The following NLGN1 variants were observed in gnomAD, a reference collection of about 807,000 sequenced individuals.
NLGN1 encodes the protein neuroligin-1.
NLGN1 carries 12 observed loss-of-function variants against 65.5 expected under a neutral mutation model. That is an observed-to-expected ratio of 0.18 (90% CI 0.12 to 0.30). The LOEUF is 0.30. Ranked by LOEUF, NLGN1 falls within the 10% of genes least tolerant of loss-of-function variation. The pLI is 1.00. For missense variants in NLGN1, 750 were observed against 1,007.1 expected, an observed-to-expected ratio of 0.74 and a Z score of 3.46; for synonymous variants, 350 against 359.5, an observed-to-expected ratio of 0.97 and a Z score of 0.30.
At chr3:174,201,110 C>G (rs555685887) in intron 4 of NLGN1, among the ~76,000 whole-genome samples, 26 of 151,948 alleles carry the variant, frequency 1.7e-4, no homozygotes, top group Non-Finnish European at 3.1e-4. Flanking sequence ...TGGTGGCACA[C>G]ACCTGTAGGC....
At chr3:173,661,940 C>T (rs1453273943) in intron 3 of NLGN1, among the ~76,000 whole-genome samples, 1 of 151,968 alleles carries the variant, frequency 6.6e-6, no homozygotes, top group Admixed American at 6.6e-5. Context: ...CAGACCACAG[C>T]AGGACTTTAT....
intron 4 of NLGN1, among the ~76,000 whole-genome samples, chr3:173,977,122 C>T (rs1291524420): frequency 3.3e-5 from 5 of 150,000 alleles, no homozygotes; most frequent in East Asian, 3.9e-4. Context: ...CACACACACA[C>T]GCACACACAC....
At chr3:173,528,515 A>G (rs2099515) in intron 2 of NLGN1, among the ~76,000 whole-genome samples, 4,398 of 152,230 alleles carry the variant, frequency 0.029, 202 homozygotes, top group African/African-American at 0.096. Context: ...TTCCTGCATT[A>G]TTCCTTCAAA....
At chr3:173,641,278 A>G (rs1472460157) in intron 3 of NLGN1, among the ~76,000 whole-genome samples, 1 of 152,112 alleles carries the variant, frequency 6.6e-6, no homozygotes, top group Non-Finnish European at 1.5e-5. Flanking sequence ...CACTTCAGCT[A>G]CTTTTGATCC....
At chr3:173,781,243 A>G (rs1164080135) in intron 3 of NLGN1, among the ~76,000 whole-genome samples, 1 of 152,056 alleles carries the variant, frequency 6.6e-6, no homozygotes, top group Non-Finnish European at 1.5e-5. Context: ...CTAGAGAAAA[A>G]GCATTTAAAA....
chr3:173,446,060 C>CT (rs554305581), intron 2 of NLGN1, among the ~76,000 whole-genome samples: 6,014 of 145,204 alleles, frequency 0.041, 163 homozygotes, highest in South Asian at 0.059. Flanking sequence ...TTCTTTTTTT[C>CT]TTTTTTTTTT....
chr3:173,997,557 G>A (rs973489591), intron 4 of NLGN1, among the ~76,000 whole-genome samples: 6 of 152,050 alleles, frequency 3.9e-5, no homozygotes, highest in Admixed American at 2.6e-4. Flanking sequence ...TTGATTCTAA[G>A]TCTTGTTGAT....
chr3:173,633,802 A>G (rs10936765), intron 3 of NLGN1, among the ~76,000 whole-genome samples: 2,252 of 152,278 alleles, frequency 0.015, 64 homozygotes, highest in African/African-American at 0.051. Context: ...TCTTCTAATT[A>G]TCGTTTAGCA....
rs185322717 is a variant in NLGN1, at chr3:173,804,982, C to T, written c.494-2698C>T. 2.7e-3 allele frequency among the ~76,000 whole-genome samples: 411 copies of T among 152,208 alleles called. 2 individuals are homozygous for T. Among genetic ancestry groups the T allele is most frequent in the African/African-American group, 8.8e-3 (367 of 41,546 alleles). ...TGGAGGTTGCAATGAGTTGAGATCA[C>T]GCCACTGCACTCCAGCCTGGGTGAC... On this transcript the variant is annotated intron_variant, in intron 3 of 6. Transcript: ENST00000457714.
intron 4 of NLGN1, among the ~76,000 whole-genome samples, chr3:173,984,725 A>C (rs902587521): frequency 2.6e-5 from 4 of 152,192 alleles, no homozygotes; most frequent in African/African-American, 9.6e-5. Flanking sequence ...TCTCAATGCT[A>C]TCTTGTGGTT....
At chr3:173,400,430 C>A (rs1243641935) in intron 1 of NLGN1, among the ~76,000 whole-genome samples, 1 of 152,116 alleles carries the variant, frequency 6.6e-6, no homozygotes, top group African/African-American at 2.4e-5. Context: ...CTTCTGAATT[C>A]ACTCTTTAGT....
At chr3:173,545,322 C>A (rs942770574) in intron 2 of NLGN1, among the ~76,000 whole-genome samples, 8 of 152,116 alleles carry the variant, frequency 5.3e-5, no homozygotes, top group African/African-American at 1.9e-4. Flanking sequence ...GATCCACCCA[C>A]CTAGACCTCC....
At chr3:173,607,298 C>T (rs1160171334) in intron 3 of NLGN1, among the ~76,000 whole-genome samples, 1 of 151,866 alleles carries the variant, frequency 6.6e-6, no homozygotes, top group Non-Finnish European at 1.5e-5. Context: ...ATGAGGACAA[C>T]ATCTATCAAT....
At position 173,698,999 on chromosome 3, in the gene NLGN1, C is replaced by T. The variant is rs149215122; in HGVS notation, c.493+93908C>T. Among the ~76,000 whole-genome samples the T allele has an allele frequency of 4.1e-4, 63 of 152,084 alleles. No homozygotes were observed. The East Asian group carries it at 9.1e-3, about 22-fold the overall frequency. ...AGCCTCCCGAGTAGCTGGGATTACA[C>T]GCATGCGCCACCTTGCCCAGCTAAT... is the stretch of plus-strand genomic sequence containing the variant. On this transcript the variant is annotated intron_variant, in intron 3 of 6. Coordinates refer to ENST00000457714, the Ensembl canonical transcript of NLGN1.
At chr3:173,452,405 C>G (rs1056507310) in intron 2 of NLGN1, among the ~76,000 whole-genome samples, 18 of 152,254 alleles carry the variant, frequency 1.2e-4, no homozygotes, top group African/African-American at 4.3e-4. Context: ...CTAGGATAGT[C>G]TCGATCTCCT....
At chr3:174,265,763 CTATATATATATATATATATGTATA>C (rs1002454219) in intron 4 of NLGN1, among the ~76,000 whole-genome samples, 80 of 125,656 alleles carry the variant, frequency 6.4e-4, no homozygotes, top group African/African-American at 2.6e-3. Context: ...ACTAAGAAGG[CTATATATATATATATATATGTATA>C]TATATATATA....
exon 7 of NLGN1, chr3:174,283,076 T>C (rs1751724893): frequency 6.6e-6 from 1 of 151,834 alleles, no homozygotes; most frequent in African/African-American, 2.4e-5. Flanking sequence ...TGATCTTTGC[T>C]CATTAAAGAG....
chr3:173,568,453 C>G (rs112580971), intron 2 of NLGN1, among the ~76,000 whole-genome samples: 1 of 152,048 alleles, frequency 6.6e-6, no homozygotes, highest in Non-Finnish European at 1.5e-5. Context: ...AGGCTGCCCT[C>G]GAACTCCTGA....
chr3:173,979,774 T>C (rs1718346240), intron 4 of NLGN1, among the ~76,000 whole-genome samples: 1 of 152,166 alleles, frequency 6.6e-6, no homozygotes, highest in African/African-American at 2.4e-5. Flanking sequence ...CCTATCACCA[T>C]ATCGTGTTAT....
Sources: gnomAD v4.1 joint callset for allele counts (sites outside exome capture counted in the v4.1 genomes callset) on GRCh38, gnomAD v4.1.1 for gene constraint, MANE v1.5 for transcripts, NCBI Gene and HGNC (gene_info 2026-07-23, HGNC 2026-07-21) for gene names.